Variants in GRIK4 observed in about 807,000 individuals in gnomAD.
GRIK4 encodes the protein glutamate ionotropic receptor kainate type subunit 4, also known as glutamate receptor ionotropic, kainate 4.
A neutral mutation model predicts 104.9 loss-of-function variants in GRIK4; 40 were observed. That is an observed-to-expected ratio of 0.38 (90% CI 0.30 to 0.50). The LOEUF (loss-of-function observed/expected upper bound fraction) is 0.50, where lower values mean the gene tolerates loss of function less well. GRIK4 is among the 20% of genes least tolerant of loss of function. GRIK4 has a pLI of 0.93. For missense variants in GRIK4, 1,047 were observed against 1,308.1 expected (o/e 0.80, Z 3.08); for synonymous variants, 485 against 524.9 (o/e 0.92, Z 1.04).
intron 1 of GRIK4, among the ~76,000 whole-genome samples, chr11:120,609,662 G>C (rs60407225): frequency 0.026 from 3,878 of 151,216 alleles, 157 homozygotes; most frequent in African/African-American, 0.09. Flanking sequence ...CTACAGGTGC[G>C]TGCCACCTGC....
intron 3 of GRIK4, among the ~76,000 whole-genome samples, chr11:120,700,487 C>A (rs962358000): frequency 6.6e-6 from 1 of 151,624 alleles, no homozygotes; most frequent in Non-Finnish European, 1.5e-5. Flanking sequence ...GAGAGAGAGT[C>A]TTGCTCTGTT....
intron 3 of GRIK4, among the ~76,000 whole-genome samples, chr11:120,695,761 G>C (rs1262553619): frequency 6.6e-6 from 1 of 152,102 alleles, no homozygotes; most frequent in East Asian, 1.9e-4. Flanking sequence ...CGCCTGGCTG[G>C]ATATTGATTG....
intron 1 of GRIK4, among the ~76,000 whole-genome samples, chr11:120,649,572 C>T (rs995019483): frequency 1.3e-5 from 2 of 152,176 alleles, no homozygotes; most frequent in African/African-American, 2.4e-5. Context: ...GCATAGCCCT[C>T]GCTGGCTTCA....
At chr11:120,697,302 G>A (rs1280035792) in intron 3 of GRIK4, among the ~76,000 whole-genome samples, 2 of 152,214 alleles carry the variant, frequency 1.3e-5, no homozygotes, top group Non-Finnish European at 2.9e-5. Context: ...TTGGAAGTGA[G>A]TTTGCTAAGT....
At chr11:120,800,150 G>A (rs1952596015) in intron 3 of GRIK4, among the ~76,000 whole-genome samples, 1 of 151,986 alleles carries the variant, frequency 6.6e-6, no homozygotes, top group Non-Finnish European at 1.5e-5. Context: ...CACCGTGCCT[G>A]GCCCCTATTA....
chr11:120,617,136 C>T (rs905121971), intron 1 of GRIK4, among the ~76,000 whole-genome samples: 1 of 152,148 alleles, frequency 6.6e-6, no homozygotes, highest in African/African-American at 2.4e-5. Flanking sequence ...GAGCGTAAAA[C>T]CTTCAGCCAG....
intron 3 of GRIK4, among the ~76,000 whole-genome samples, chr11:120,661,181 A>G (rs1949808085): frequency 6.6e-6 from 1 of 152,192 alleles, no homozygotes; most frequent in Admixed American, 6.5e-5. Flanking sequence ...GCCCAGCAAC[A>G]GAGAACCCAT....
At chr11:120,646,762 A>G (rs1051751409) in intron 1 of GRIK4, among the ~76,000 whole-genome samples, 1 of 152,210 alleles carries the variant, frequency 6.6e-6, no homozygotes, top group Non-Finnish European at 1.5e-5. Context: ...ATGAATTGGT[A>G]GGGCGCGTTG....
At chr11:120,519,783 C>T (rs1947773500) in intron 1 of GRIK4, among the ~76,000 whole-genome samples, 1 of 150,560 alleles carries the variant, frequency 6.6e-6, no homozygotes, top group African/African-American at 2.5e-5. Flanking sequence ...TGCATGCATG[C>T]TTGTGGGTGC....
At chr11:120,665,161 C>A (rs1430814278) in intron 3 of GRIK4, among the ~76,000 whole-genome samples, 1 of 151,890 alleles carries the variant, frequency 6.6e-6, no homozygotes, top group Non-Finnish European at 1.5e-5. Flanking sequence ...AGTTTCTTAT[C>A]CTGTTATGCT....
In GRIK4 at chr11:120,986,067, G is replaced by GC; in HGVS notation, c.2679dup (p.Gly894ArgfsTer252). 1 of 1,519,278 alleles carries GC rather than the reference G, an allele frequency of 6.6e-7. No individual in the cohort carries two copies. The highest frequency in any genetic ancestry group is 8.8e-7 in the Non-Finnish European group (1 of 1,137,452). The allele number at this position is 1,519,278 out of a possible 1,614,324, so 94.1% of individuals were successfully genotyped here. A position where few individuals can be genotyped will look rare whatever the true frequency, so the allele number is the denominator to read the frequency against. On this transcript the variant is annotated frameshift_variant, in exon 21 of 21. Coordinates refer to ENST00000527524, the MANE Select transcript of GRIK4 (RefSeq NM_014619.5). LOFTEE classifies it high-confidence loss of function. ...GCGACGCTCAGCAACGGGAAGCTGT[G>GC]CGGGGCAGGGGAGCCCGACCAGCTC...
At chr11:120,929,220 CTT>C (rs1245888027) in intron 13 of GRIK4, among the ~76,000 whole-genome samples, 1 of 152,190 alleles carries the variant, frequency 6.6e-6, no homozygotes, top group Non-Finnish European at 1.5e-5. Flanking sequence ...AAGAGTTTCT[CTT>C]TGTCTCCAGC....
At position 120,874,134 on chromosome 11, in the gene GRIK4, C is replaced by T; in HGVS notation, c.975C>T (p.Ser325=). The change falls in exon 10 of 21, where the codon AGC becomes AGT. Residue 325 remains serine, a synonymous_variant. Transcript: ENST00000527524. ...CTGCGGTGCAGGAACTGAACCGGAG[C>T]CAAGAGATCGGCGTGAAGCCCTTGT... ...VVTAVQELNR[S]QEIGVKPLSC... 5 of 1,614,010 alleles carry T rather than the reference C, an allele frequency of 3.1e-6. No individual in the cohort carries two copies. In the South Asian group the frequency reaches 4.4e-5, roughly 14 times the overall value.
chr11:120,541,147 G>A (rs575562856), intron 1 of GRIK4, among the ~76,000 whole-genome samples: 7 of 152,222 alleles, frequency 4.6e-5, no homozygotes, highest in Non-Finnish European at 7.3e-5. Flanking sequence ...GGCCCTTGCC[G>A]GTGCAGCTCT....
At chr11:120,687,542 T>G (rs1244310342) in intron 3 of GRIK4, among the ~76,000 whole-genome samples, 2 of 151,782 alleles carry the variant, frequency 1.3e-5, no homozygotes, top group African/African-American at 4.8e-5. Flanking sequence ...GTTGTTGTTG[T>G]TTTTTCCCTC....
intron 3 of GRIK4, among the ~76,000 whole-genome samples, chr11:120,732,923 C>G (rs1951161181): frequency 6.6e-6 from 1 of 152,176 alleles, no homozygotes; most frequent in Non-Finnish European, 1.5e-5. Context: ...CTGTCCGATG[C>G]TGAAAGTGGG....
intron 20 of GRIK4, among the ~76,000 whole-genome samples, chr11:120,982,905 C>T (rs1486244971): frequency 6.6e-6 from 1 of 152,200 alleles, no homozygotes; most frequent in Non-Finnish European, 1.5e-5. Context: ...TAACACAACA[C>T]CGCCTGCCAG....
intron 4 of GRIK4, among the ~76,000 whole-genome samples, chr11:120,810,717 T>G (rs1226230993): frequency 6.6e-6 from 1 of 152,222 alleles, no homozygotes; most frequent in Non-Finnish European, 1.5e-5. Context: ...CAGTTATATT[T>G]TAATAGTGGT....
rs1011001368 is a variant in GRIK4 at position 120,953,786 on chromosome 11, A to G, written c.1700+822A>G. Among the ~76,000 whole-genome samples the G allele has an allele frequency of 1.3e-5, 2 of 152,046 alleles. No individual in the cohort carries two copies. The highest frequency in any genetic ancestry group is 4.8e-5 in the African/African-American group (2 of 41,384). On this transcript the variant is annotated intron_variant, in intron 15 of 20. Transcript: ENST00000527524. This position sits in a 1 kb window ranked among gnomAD's most constrained non-coding sequence, Gnocchi z 4.9. ...CCTGAGCTGCAGGAGAGCCAGCTTA[A>G]CCCTCCAGAAGTGGGATGAGCCCTG...
Sources: gnomAD v4.1 joint callset for allele counts (sites outside exome capture counted in the v4.1 genomes callset) on GRCh38, gnomAD v4.1.1 for gene constraint, Gnocchi (gnomAD v3.1) non-coding constraint, MANE v1.5 for transcripts, NCBI Gene and HGNC (gene_info 2026-07-23, HGNC 2026-07-21) for gene names.